The following BCL7C variants were observed in gnomAD, a reference collection of about 807,000 sequenced individuals.
BCL7C encodes the protein BAF chromatin remodeling complex subunit BCL7C.
In BCL7C, 8 loss-of-function variants were observed where a neutral mutation model predicts 26.2. That is an observed-to-expected ratio of 0.30 (90% confidence interval 0.18 to 0.55). The LOEUF is 0.55. BCL7C is among the 20% of genes least tolerant of loss of function. The pLI, the probability that BCL7C is intolerant of heterozygous loss-of-function variation, is 0.93. For synonymous variants in BCL7C, 90 were observed against 116.5 expected (o/e 0.77, Z 1.47); for missense variants, 262 against 298.5 (o/e 0.88, Z 0.90).
downstream of BCL7C, among the ~76,000 whole-genome samples, chr16:30,883,708 G>C (rs1034321840): frequency 6.8e-6 from 1 of 148,036 alleles, no homozygotes; most frequent in Non-Finnish European, 1.5e-5. Context: ...GTAGAGACAG[G>C]GTTTCACCGT....
chr16:30,892,446 A>C, intron 4 of BCL7C, 140 bp downstream of exon 4: 2 of 694,050 alleles, frequency 2.9e-6, no homozygotes, highest in Non-Finnish European at 4.7e-6. Context: ...CTGTAGCTAC[A>C]GGGAGATTCT....
In BCL7C at chr16:30,893,370, C is replaced by T; in HGVS notation, c.93-80G>A. On this transcript the variant is annotated intron_variant, in intron 1 of 5. Coordinates refer to ENST00000215115, the MANE Select transcript of BCL7C (RefSeq NM_004765.4). The surrounding 1 kb of genome is among the most constrained non-coding windows in gnomAD (Gnocchi z 5.2). ...TAGGAGCTGGACACATCTGGGGGTA[C>T]CTGCAGAGGTTGAGGAGGCACAGGA... 8.8e-7 allele frequency: 1 copy of T among 1,142,070 alleles called. No individual in the cohort carries two copies. Among genetic ancestry groups the T allele is most frequent in the Non-Finnish European group, 1.3e-6 (1 of 787,824 alleles). The allele number at this position is 1,142,070 out of a possible 1,614,324, so 70.7% of individuals were successfully genotyped here.
At chr16:30,890,855 C>T (rs2055216201) in intron 4 of BCL7C, among the ~76,000 whole-genome samples, 1 of 151,884 alleles carries the variant, frequency 6.6e-6, no homozygotes, top group Non-Finnish European at 1.5e-5. Context: ...CATGGTGGTG[C>T]ATGCCTATAA....
At chr16:30,888,588 G>A (rs966027733) in intron 5 of BCL7C, 9 of 258,410 alleles carry the variant, frequency 3.5e-5, no homozygotes, top group Admixed American at 5.2e-5. Flanking sequence ...ACCCGCCTCC[G>A]CCTCCCAAAG....
At chr16:30,852,985 A>G (rs2054689588) in intron 5 of BCL7C, among the ~76,000 whole-genome samples, 1 of 151,142 alleles carries the variant, frequency 6.6e-6, no homozygotes, top group Non-Finnish European at 1.5e-5. Context: ...CCCAGGCTGG[A>G]GTGCAAATGG....
chr16:30,863,649 G>A (rs1392048161), intron 5 of BCL7C, among the ~76,000 whole-genome samples: 16 of 151,984 alleles, frequency 1.1e-4, no homozygotes, highest in Admixed American at 4.6e-4. Flanking sequence ...CCTTCTCATC[G>A]GTCACGCCCA....
At chr16:30,845,897 G>A (rs1038520117) in intron 5 of BCL7C, among the ~76,000 whole-genome samples, 8 of 151,866 alleles carry the variant, frequency 5.3e-5, no homozygotes, top group Non-Finnish European at 8.8e-5. Context: ...ACAAGATCAG[G>A]AGATCGAGAC....
Position 30,881,392 on chromosome 16 carries a change from T to TCACACACACACACACA in BCL7C, c.528+7452_528+7467dup, listed in dbSNP as rs72155482. Among the ~76,000 whole-genome samples, 1,232 of 144,194 alleles carry TCACACACACACACACA rather than the reference T, an allele frequency of 8.5e-3. 13 individuals are homozygous for TCACACACACACACACA. Among genetic ancestry groups the TCACACACACACACACA allele is most frequent in the East Asian group, 0.017 (84 of 4,866 alleles). The allele number at this position is 144,194 out of a possible 152,430, so 94.6% of individuals were successfully genotyped here. ...GCCTGGGTGACAGAGTGAGACTCCG[T>TCACACACACACACACA]CACACACACACACACACACACACAC... On this transcript the variant is annotated intron_variant, in intron 5 of 5. Transcript: ENST00000380317.
Position 30,892,865 on chromosome 16 carries a change from G to A in BCL7C, c.255C>T (p.Gly85=), listed in dbSNP as rs767515381. Residue 85 remains glycine, a synonymous_variant, in exon 3 of 6, where the codon GGC becomes GGT. Coordinates refer to ENST00000215115, the MANE Select transcript of BCL7C (RefSeq NM_004765.4). ...RGRGASPRGG[G]PLILLDLNDE... ...CATTAAGATCCAGCAGGATGAGAGG[G>A]CCACCCCCTCGGGGACTGGCGCCCC... is the stretch of plus-strand genomic sequence containing the variant. 2.5e-5 allele frequency: 40 copies of A among 1,612,960 alleles called. No homozygotes were observed. In the East Asian group the frequency reaches 8.2e-4, roughly 33 times the overall value.
chr16:30,879,701 A>AAAAAAAAC (rs2055012016), intron 5 of BCL7C, among the ~76,000 whole-genome samples: 1 of 136,706 alleles, frequency 7.3e-6, no homozygotes, highest in Non-Finnish European at 1.7e-5. Flanking sequence ...AAAAAAAAAA[A>AAAAAAAAC]AAAAAAAACT....
chr16:30,851,616 G>A, intron 5 of BCL7C: 1 of 506,528 alleles, frequency 2.0e-6, no homozygotes, highest in South Asian at 2.3e-5. Flanking sequence ...GTTGAGCAGT[G>A]CCACAGCAGG....
In BCL7C at chr16:30,851,641, G is replaced by A. The variant is rs2054675831; in HGVS notation, c.529-16493C>T. On this transcript the variant is annotated intron_variant, in intron 5 of 5. Transcript: ENST00000380317. ...GCCACAGCAGGCCTTGCAGTTTTTG[G>A]TGCATCTCATCGATTTGCTGAGCAT... 4 of 578,338 alleles carry A rather than the reference G, an allele frequency of 6.9e-6. 1 individual carries two copies. The South Asian group carries it at 8.0e-5, about 12-fold the overall frequency. 35.8% of individuals were successfully genotyped at this position (578,338 alleles called of 1,614,324 possible).
At position 30,892,889 on chromosome 16, in the gene BCL7C, C is replaced by T; in HGVS notation, c.231G>A (p.Arg77=). The T allele has an allele frequency of 6.2e-7, 1 of 1,612,998 alleles. No individual in the cohort carries two copies. Among genetic ancestry groups the T allele is most frequent in the South Asian group, 1.1e-5 (1 of 91,072 alleles). ...GGCCACCCCCTCGGGGACTGGCGCC[C>T]CTGCCCCGACGTTCCCGGCCACGGG... ...ERSRGRERRG[R]GASPRGGGPL... Residue 77 remains arginine, a synonymous_variant, in exon 3 of 6, where the codon AGG becomes AGA. Transcript: ENST00000215115.
At chr16:30,887,135 C>G (rs112790372), downstream of BCL7C, among the ~76,000 whole-genome samples, 33,720 of 152,004 alleles carry the variant, frequency 0.22, 4,721 homozygotes, top group South Asian at 0.68. Context: ...ATGGCAAAAC[C>G]CAGTCTCTAC....
intron 5 of BCL7C, among the ~76,000 whole-genome samples, chr16:30,836,103 A>C (rs945176905): frequency 2.6e-5 from 4 of 151,994 alleles, no homozygotes; most frequent in East Asian, 1.9e-4. Flanking sequence ...AAATACAAAA[A>C]TTAGCTGGGC....
chr16:30,862,018 T>A (rs778369870), intron 5 of BCL7C, among the ~76,000 whole-genome samples: 1 of 151,836 alleles, frequency 6.6e-6, no homozygotes, highest in South Asian at 2.1e-4. Context: ...CACTGGCTAA[T>A]TTTTTGTATT....
intron 5 of BCL7C, among the ~76,000 whole-genome samples, chr16:30,845,648 A>C (rs1302390776): frequency 6.6e-6 from 1 of 151,556 alleles, no homozygotes; most frequent in East Asian, 1.9e-4. Context: ...TCTTCATTGG[A>C]TACTGTATCT....
intron 5 of BCL7C, among the ~76,000 whole-genome samples, chr16:30,839,619 G>A (rs969218246): frequency 7.9e-5 from 12 of 152,246 alleles, no homozygotes; most frequent in African/African-American, 2.9e-4. Context: ...ATGTGCTGAG[G>A]AATGCGGAGG....
chr16:30,874,370 A>C (rs907101952), intron 5 of BCL7C, among the ~76,000 whole-genome samples: 2 of 152,032 alleles, frequency 1.3e-5, no homozygotes, highest in African/African-American at 2.4e-5. Flanking sequence ...TAATCCCAGC[A>C]CTTTCAGAGG....
Sources: allele counts gnomAD v4.1 joint callset (sites outside exome capture counted in the v4.1 genomes callset), GRCh38; gene constraint gnomAD v4.1.1; non-coding constraint Gnocchi (gnomAD v3.1); transcripts MANE v1.5; gene names NCBI Gene and HGNC (gene_info 2026-07-23, HGNC 2026-07-21).